Variants in PRH1 observed in about 807,000 individuals in gnomAD.
PRH1 encodes the protein salivary acidic proline-rich phosphoprotein 1/2.
A neutral mutation model predicts 7.9 loss-of-function variants in PRH1; 7 were observed. The ratio of observed to expected loss-of-function variants is 0.89; its 90% CI spans 0.50 to 1.67. The LOEUF is 1.67. Among genes scored for constraint, PRH1 ranks in the 40% most tolerant of loss-of-function variants. PRH1 has a pLI of 0.00. For synonymous variants in PRH1, 45 were observed against 80.8 expected, an observed-to-expected ratio of 0.56 and a Z score of 2.38; for missense variants, 109 against 223.6, an observed-to-expected ratio of 0.49 and a Z score of 3.27.
intron 2 of PRH1, chr12:10,939,156 TA>T: frequency 6.2e-7 from 1 of 1,601,830 alleles, no homozygotes; most frequent in Middle Eastern, 1.7e-4. Context: ...TTTCCAATTA[TA>T]AATTCCACAA....
chr12:11,143,006 CT>C (rs929630658), intron 1 of PRH1, among the ~76,000 whole-genome samples: 13 of 152,018 alleles, frequency 8.6e-5, no homozygotes, highest in Non-Finnish European at 1.6e-4. Context: ...TCACCTAAAG[CT>C]ATAAAACTCA....
At chr12:11,087,515 C>A (rs1365240398) in intron 1 of PRH1, among the ~76,000 whole-genome samples, 1 of 115,764 alleles carries the variant, frequency 8.6e-6, no homozygotes, top group African/African-American at 2.9e-5. Flanking sequence ...AATGGATATG[C>A]ATGGCAGCTG....
At chr12:10,937,145 T>C (rs1950301121) in intron 2 of PRH1, among the ~76,000 whole-genome samples, 1 of 152,090 alleles carries the variant, frequency 6.6e-6, no homozygotes, top group Non-Finnish European at 1.5e-5. Flanking sequence ...GGAGATTACC[T>C]CTCACTACCT....
chr12:11,028,143 T>C (rs189427776), intron 1 of PRH1, among the ~76,000 whole-genome samples: 1 of 152,172 alleles, frequency 6.6e-6, no homozygotes, highest in Non-Finnish European at 1.5e-5. Flanking sequence ...CACCACACTG[T>C]GGGCATGAGG....
chr12:11,032,294 C>G (rs1484189105), intron 1 of PRH1, among the ~76,000 whole-genome samples: 2 of 152,210 alleles, frequency 1.3e-5, no homozygotes, highest in South Asian at 2.1e-4. Context: ...TCTAAATTCT[C>G]AAAGGGAGCT....
intron 1 of PRH1, chr12:10,997,639 T>C (rs1482175003): frequency 1.9e-6 from 3 of 1,613,600 alleles, no homozygotes; most frequent in Non-Finnish European, 2.5e-6. Flanking sequence ...AAATTATTAC[T>C]TTTAAATTAG....
At chr12:10,964,965 G>A (rs1938434604) in intron 2 of PRH1, 2 of 658,690 alleles carry the variant, frequency 3.0e-6, no homozygotes, top group African/African-American at 1.8e-5. Context: ...AGTATCACTG[G>A]AATGACACTC....
intron 2 of PRH1, among the ~76,000 whole-genome samples, chr12:10,916,517 C>A (rs1949974553): frequency 6.6e-6 from 1 of 151,852 alleles, no homozygotes. Flanking sequence ...AGACCTGCCA[C>A]AGATAGAGAA....
chr12:10,899,331 G>T (rs1949692357), intron 2 of PRH1, among the ~76,000 whole-genome samples: 1 of 152,112 alleles, frequency 6.6e-6, no homozygotes, highest in Admixed American at 6.6e-5. Context: ...AAGTCAGAAT[G>T]CTATGGTTTG....
intron 1 of PRH1, among the ~76,000 whole-genome samples, chr12:11,004,980 AT>A (rs1434742147): frequency 6.6e-6 from 1 of 152,148 alleles, no homozygotes; most frequent in African/African-American, 2.4e-5. Context: ...TCATGTCTGA[AT>A]TCTTTTTAAG....
intron 1 of PRH1, among the ~76,000 whole-genome samples, chr12:11,010,376 T>A (rs191113290): frequency 1.8e-3 from 278 of 152,086 alleles, no homozygotes; most frequent in Non-Finnish European, 2.7e-4. Context: ...GTTTCCTAAG[T>A]GCTGGAATTC....
At chr12:11,080,289 C>G (rs1944457637) in intron 1 of PRH1, among the ~76,000 whole-genome samples, 1 of 116,156 alleles carries the variant, frequency 8.6e-6, no homozygotes, top group Non-Finnish European at 2.0e-5. Context: ...GAAATTTAAC[C>G]CCACAGTTGC....
chr12:11,005,659 G>C (rs1377103952), intron 1 of PRH1, among the ~76,000 whole-genome samples: 1 of 152,070 alleles, frequency 6.6e-6, no homozygotes, highest in African/African-American at 2.4e-5. Flanking sequence ...GCCCCTCATG[G>C]ATGGGAGGAA....
At chr12:11,047,140 C>T in exon 1 of PRH1, 1 of 438,348 alleles carries the variant, frequency 2.3e-6, no homozygotes, top group Non-Finnish European at 5.0e-6. Flanking sequence ...AAAGCTGGCG[C>T]CTTCTTGTCA....
At chr12:11,017,773 G>A (rs1432430553) in intron 1 of PRH1, among the ~76,000 whole-genome samples, 1 of 151,946 alleles carries the variant, frequency 6.6e-6, no homozygotes, top group African/African-American at 2.4e-5. Flanking sequence ...TATTACAGGC[G>A]TGAACCACCA....
chr12:11,042,701 C>G (rs1565585786), intron 1 of PRH1, among the ~76,000 whole-genome samples: 1 of 144,444 alleles, frequency 6.9e-6, no homozygotes, highest in East Asian at 2.1e-4. Flanking sequence ...ATGCTCTCCA[C>G]TCACTGCAAG....
intron 1 of PRH1, among the ~76,000 whole-genome samples, chr12:11,066,704 T>G (rs1943835108): frequency 6.6e-6 from 1 of 151,322 alleles, no homozygotes; most frequent in Non-Finnish European, 1.5e-5. Flanking sequence ...ATAAATGTGA[T>G]TTCCATCTTG....
chr12:11,091,115 C>CACACACATATATATATAT lies in PRH1; in HGVS notation n.124-43928_124-43927insATATATATATATGTGTGT, dbSNP rs751016037. On this transcript the variant is annotated intron_variant and non_coding_transcript_variant, in intron 1 of 4. Transcript: ENST00000541977. ...ACACAAATACACACACACACACACA[C>CACACACATATATATATAT]ATATATATATATATATATATATATA... is the stretch of plus-strand genomic sequence containing the variant. 3.7e-3 allele frequency among the ~76,000 whole-genome samples: 94 copies of CACACACATATATATATAT among 25,120 alleles called. 13 individuals carry two copies. The East Asian group carries it at 0.058, about 16-fold the overall frequency. 16.5% of individuals were successfully genotyped at this position (25,120 alleles called of 152,430 possible). A position where few individuals can be genotyped will look rare whatever the true frequency, so the allele number is the denominator to read the frequency against.
chr12:10,907,101 T>G (rs1473675374), intron 2 of PRH1, among the ~76,000 whole-genome samples: 1 of 152,138 alleles, frequency 6.6e-6, no homozygotes, highest in Non-Finnish European at 1.5e-5. Flanking sequence ...CTACCAACTG[T>G]TGGCCAGAAT....
Sources: gnomAD v4.1 joint callset for allele counts (sites outside exome capture counted in the v4.1 genomes callset) on GRCh38, gnomAD v4.1.1 for gene constraint, MANE v1.5 for transcripts, NCBI Gene and HGNC (gene_info 2026-07-23, HGNC 2026-07-21) for gene names.